Variants in SH3GL2 observed in about 807,000 individuals in gnomAD.
SH3GL2 encodes endophilin-A1.
SH3GL2 carries 24 observed loss-of-function variants against 46.0 expected under a neutral mutation model. That is an observed-to-expected ratio of 0.52 (90% confidence interval 0.38 to 0.73). The LOEUF is 0.73. SH3GL2 is among the 30% of genes least tolerant of loss of function. SH3GL2 has a pLI of 0.00. For synonymous variants in SH3GL2, 196 were observed against 147.1 expected, an observed-to-expected ratio of 1.33 and a Z score of -2.40; for missense variants, 413 against 424.2, an observed-to-expected ratio of 0.97 and a Z score of 0.23.
In SH3GL2 at chr9:17,758,865, C is replaced by T. The variant is rs147629605; in HGVS notation, c.115-2572C>T. On this transcript the variant is annotated intron_variant, in intron 2 of 8. Coordinates refer to ENST00000380607, the MANE Select transcript of SH3GL2 (RefSeq NM_003026.5). Reference sequence around the variant, plus strand: ...GGTAAACATCTGGGTGGGATGAGCTCTTTCTTTAGACAAGTCACAAGGGAC... The same window carrying T: ...GGTAAACATCTGGGTGGGATGAGCTTTTTCTTTAGACAAGTCACAAGGGAC... Among the ~76,000 whole-genome samples the T allele has an allele frequency of 2.9e-3, 446 of 152,188 alleles. 1 individual carries two copies. The highest frequency in any genetic ancestry group is 0.01 in the African/African-American group (417 of 41,530).
rs149099992 is a variant in SH3GL2 at position 17,717,672 on chromosome 9, C to T, written c.46-29394C>T. ...GGGGAAGAGAAGTTAAATGATACAG[C>T]GCACAGATAAAATTGCTAACAGAAG... On this transcript the variant is annotated intron_variant, in intron 1 of 8. Transcript: ENST00000380607. 2.6e-3 allele frequency among the ~76,000 whole-genome samples: 393 copies of T among 152,192 alleles called. 4 individuals are homozygous for T. Among genetic ancestry groups the T allele is most frequent in the Admixed American group, 4.1e-3 (63 of 15,276 alleles).
intron 1 of SH3GL2, among the ~76,000 whole-genome samples, chr9:17,656,522 A>C (rs901660563): frequency 2.0e-5 from 3 of 152,152 alleles, no homozygotes; most frequent in Admixed American, 2.0e-4. Context: ...TTGCATTTAC[A>C]ATATCACAAG....
intron 3 of SH3GL2, among the ~76,000 whole-genome samples, chr9:17,761,912 T>C (rs1823185813): frequency 6.6e-6 from 1 of 152,206 alleles, no homozygotes; most frequent in Non-Finnish European, 1.5e-5. Flanking sequence ...ATCGTTTTCA[T>C]GAAACACAGA....
chr9:17,748,647 T>C (rs1822758678), intron 2 of SH3GL2, among the ~76,000 whole-genome samples: 1 of 152,148 alleles, frequency 6.6e-6, no homozygotes, highest in Non-Finnish European at 1.5e-5. Context: ...CAATAAATAT[T>C]TTCTTTGTGT....
chr9:17,657,645 G>A (rs1378663750), intron 1 of SH3GL2, among the ~76,000 whole-genome samples: 2 of 152,186 alleles, frequency 1.3e-5, no homozygotes, highest in South Asian at 2.1e-4. Flanking sequence ...TAGGGAAAAT[G>A]TATACAAATT....
chr9:17,767,861 T>G (rs1174817362), intron 3 of SH3GL2, among the ~76,000 whole-genome samples: 1 of 152,142 alleles, frequency 6.6e-6, no homozygotes, highest in Non-Finnish European at 1.5e-5. Flanking sequence ...AAAACTTAAG[T>G]CAGGTGATGG....
chr9:17,689,990 G>A (rs1335813143), intron 1 of SH3GL2, among the ~76,000 whole-genome samples: 1 of 152,122 alleles, frequency 6.6e-6, no homozygotes, highest in African/African-American at 2.4e-5. Flanking sequence ...TAAATATCAT[G>A]TGAATGAAAG....
intron 1 of SH3GL2, among the ~76,000 whole-genome samples, chr9:17,625,991 T>C (rs1819271281): frequency 6.6e-6 from 1 of 152,226 alleles, no homozygotes; most frequent in Non-Finnish European, 1.5e-5. Flanking sequence ...AAAAGCTGTT[T>C]TCTTCTCCTT....
At chr9:17,781,645 A>C (rs931745112) in intron 3 of SH3GL2, among the ~76,000 whole-genome samples, 4 of 152,200 alleles carry the variant, frequency 2.6e-5, no homozygotes, top group Non-Finnish European at 5.9e-5. Context: ...ATTGTTGTCC[A>C]GAATTTTCTA....
At position 17,787,623 on chromosome 9, in the gene SH3GL2, G is replaced by C. The variant is rs936285467; in HGVS notation, c.465+110G>C. ...GCTTACCCTGTGTGTTGTCAGCTCT[G>C]GGCACGTTAATTACAAAACAACCCA... On this transcript the variant is annotated intron_variant, in intron 5 of 8. Coordinates refer to ENST00000380607, the MANE Select transcript of SH3GL2 (RefSeq NM_003026.5). 7 of 813,424 alleles carry C rather than the reference G, an allele frequency of 8.6e-6. 1 individual carries two copies. The highest frequency in any genetic ancestry group is 1.4e-5 in the Non-Finnish European group (7 of 515,568). 50.4% of individuals were successfully genotyped at this position (813,424 alleles called of 1,614,324 possible). A position where few individuals can be genotyped will look rare whatever the true frequency, so the allele number is the denominator to read the frequency against.
intron 3 of SH3GL2, among the ~76,000 whole-genome samples, chr9:17,763,804 C>G (rs1468123037): frequency 6.6e-6 from 1 of 152,090 alleles, no homozygotes. Context: ...GGGATGAAGA[C>G]AAGATTGGAA....
At position 17,791,272 on chromosome 9, in the gene SH3GL2, G is replaced by C. The variant is rs149622931; in HGVS notation, c.666G>C (p.Gln222His). 2.5e-6 allele frequency: 4 copies of C among 1,613,648 alleles called. No homozygotes were observed. The African/African-American group carries it at 5.3e-5, about 22-fold the overall frequency. ...AGCTCTCTGCACTTGTGCAAGCTCA[G>C]CTGGAGTACCACAAGCAGGCAGTCC... ...VSQLSALVQA[Q>H]LEYHKQAVQI... The change falls in exon 7 of 9, where the codon CAG becomes CAC. Residue 222 changes from glutamine (Q) to histidine (H), a missense_variant. Physicochemically the swap from Gln to His is conservative, Grantham distance 24. Coordinates refer to ENST00000380607, the MANE Select transcript of SH3GL2 (RefSeq NM_003026.5).
At chr9:17,769,159 C>T (rs917651755) in intron 3 of SH3GL2, among the ~76,000 whole-genome samples, 1 of 152,156 alleles carries the variant, frequency 6.6e-6, no homozygotes, top group Non-Finnish European at 1.5e-5. Context: ...ACTTCCTAAG[C>T]CTTTTCTTGT....
chr9:17,703,838 G>A (rs1821398494), intron 1 of SH3GL2, among the ~76,000 whole-genome samples: 1 of 152,038 alleles, frequency 6.6e-6, no homozygotes, highest in African/African-American at 2.4e-5. Flanking sequence ...CAAGCCCACA[G>A]CCAGCATCAT....
chr9:17,621,478 T>A (rs1454810966), intron 1 of SH3GL2, among the ~76,000 whole-genome samples: 1 of 152,254 alleles, frequency 6.6e-6, no homozygotes, highest in Non-Finnish European at 1.5e-5. Flanking sequence ...AATCATATGA[T>A]GACTTTGTAT....
chr9:17,683,705 A>G (rs758426597), intron 1 of SH3GL2, among the ~76,000 whole-genome samples: 3 of 152,060 alleles, frequency 2.0e-5, no homozygotes, highest in South Asian at 2.1e-4. Context: ...CTGATGGTCT[A>G]CTGCTAGGGG....
chr9:17,764,331 G>A (rs1193953619), intron 3 of SH3GL2, among the ~76,000 whole-genome samples: 6 of 152,234 alleles, frequency 3.9e-5, no homozygotes, highest in African/African-American at 1.4e-4. Context: ...TTCTTGCCCT[G>A]AGAGTAGACA....
rs558322142 is a variant in SH3GL2 at position 17,794,302 on chromosome 9, T to C, written c.859+805T>C. The stretch of plus-strand genomic sequence containing the variant: ...TGGATGTTAGAGATAGGTAGCTTTC[T>C]TTTATTTTTCCTGTATCCCCAGTGC... On this transcript the variant is annotated intron_variant, in intron 8 of 8. Transcript: ENST00000380607. Among the ~76,000 whole-genome samples the C allele has an allele frequency of 2.0e-5, 3 of 152,332 alleles. No individual in the cohort carries two copies. In the South Asian group the frequency reaches 6.2e-4, roughly 32 times the overall value.
chr9:17,651,727 C>A (rs1480279241), intron 1 of SH3GL2, among the ~76,000 whole-genome samples: 1 of 151,926 alleles, frequency 6.6e-6, no homozygotes, highest in East Asian at 1.9e-4. Flanking sequence ...CATTTTTTTC[C>A]TTTTAGCACT....
Sources: gnomAD v4.1 joint callset for allele counts (sites outside exome capture counted in the v4.1 genomes callset) on GRCh38, gnomAD v4.1.1 for gene constraint, MANE v1.5 for transcripts, NCBI Gene and HGNC (gene_info 2026-07-23, HGNC 2026-07-21) for gene names.